Variants in ADGRL3 observed in about 807,000 individuals in gnomAD.
The protein encoded by ADGRL3 is adhesion G protein-coupled receptor L3, also known as calcium-independent alpha-latrotoxin receptor 3.
ADGRL3 carries 62 observed loss-of-function variants against 153.5 expected under a neutral mutation model. The ratio of observed to expected loss-of-function variants is 0.40; its 90% CI spans 0.33 to 0.50. The LOEUF is 0.50. ADGRL3 is among the 20% of genes least tolerant of loss of function. The pLI, the probability that ADGRL3 is intolerant of heterozygous loss-of-function variation, is 0.47. For missense variants in ADGRL3, 1,641 were observed against 1,859.4 expected (o/e 0.88, Z 2.16); for synonymous variants, 710 against 672.5 (o/e 1.06, Z -0.86).
intron 21 of ADGRL3, among the ~76,000 whole-genome samples, chr4:62,015,825 C>A (rs1414671315): frequency 6.6e-6 from 1 of 151,632 alleles, no homozygotes; most frequent in Non-Finnish European, 1.5e-5. Context: ...ATTTTGAATG[C>A]TTTTGCTATT....
chr4:61,670,999 C>T (rs1403251419), intron 5 of ADGRL3, among the ~76,000 whole-genome samples: 2 of 152,142 alleles, frequency 1.3e-5, no homozygotes, highest in Non-Finnish European at 2.9e-5. Flanking sequence ...AACCACATTC[C>T]CTCCTGCTAG....
rs2097884077 is a variant in ADGRL3, at chr4:61,832,565, T to C, written c.1480+18676T>C. ...TGAGACGTTTGAATTTTTAAAGCAC[T>C]GAGCATGCCAAAGCACCATATTGTG... On this transcript the variant is annotated intron_variant, in intron 9 of 26. Coordinates refer to ENST00000683033, the MANE Select transcript of ADGRL3 (RefSeq NM_001387552.1). Among the ~76,000 whole-genome samples the C allele has an allele frequency of 2.6e-5, 4 of 152,318 alleles. No individual in the cohort carries two copies. The South Asian group carries it at 8.3e-4, about 32-fold the overall frequency.
Position 61,733,179 on chromosome 4 carries a change from G to A in ADGRL3, c.1024G>A (p.Val342Ile). The change falls in exon 8 of 27, where the codon GTA (valine) becomes ATA (isoleucine). Residue 342 changes from valine to isoleucine, a missense_variant. By Grantham distance (29) the Val-to-Ile change is conservative. Transcript: ENST00000683033. ...GGCAGTAGATGAGAATGGGCTATGG[G>A]TAATCTATGCAACAGAACAAAACAA... ...DLAVDENGLWVIYATEQNNGK... is the reference protein window; with the variant it reads ...DLAVDENGLWIIYATEQNNGK... 6.2e-7 allele frequency: 1 copy of A among 1,613,274 alleles called. No individual in the cohort carries two copies. The highest frequency in any genetic ancestry group is 8.5e-7 in the Non-Finnish European group (1 of 1,179,622).
chr4:61,208,471 C>T (rs907673158), intron 1 of ADGRL3, among the ~76,000 whole-genome samples: 7 of 152,010 alleles, frequency 4.6e-5, no homozygotes, highest in Admixed American at 3.3e-4. Flanking sequence ...ATTATTGGGT[C>T]TCATGAGAGT....
intron 3 of ADGRL3, among the ~76,000 whole-genome samples, chr4:61,506,019 T>G (rs2098425973): frequency 6.6e-6 from 1 of 152,108 alleles, no homozygotes; most frequent in Non-Finnish European, 1.5e-5. Flanking sequence ...TCATCTAATC[T>G]AAACTGCTTT....
At chr4:61,808,248 A>G (rs1580927936) in intron 8 of ADGRL3, among the ~76,000 whole-genome samples, 1 of 152,264 alleles carries the variant, frequency 6.6e-6, no homozygotes, top group East Asian at 1.9e-4. Context: ...TCTTGTTCAT[A>G]TGGTATCCTT....
chr4:61,214,817 A>G (rs1389652067), intron 1 of ADGRL3, among the ~76,000 whole-genome samples: 2 of 152,164 alleles, frequency 1.3e-5, no homozygotes, highest in African/African-American at 2.4e-5. Flanking sequence ...GCATGCCCAT[A>G]GTTCCAGCTC....
intron 6 of ADGRL3, among the ~76,000 whole-genome samples, chr4:61,706,026 G>A (rs988007434): frequency 3.3e-5 from 5 of 152,118 alleles, no homozygotes; most frequent in East Asian, 1.9e-4. Context: ...ATTCAAATCT[G>A]CATTGGCTTG....
chr4:61,220,022 C>A (rs887080734), intron 1 of ADGRL3, among the ~76,000 whole-genome samples: 2 of 150,922 alleles, frequency 1.3e-5, no homozygotes, highest in African/African-American at 4.9e-5. Flanking sequence ...GCAGGAGAAT[C>A]GCTTGAACCT....
chr4:61,844,575 A>AAAAAAATAT (rs1554045137), intron 9 of ADGRL3, among the ~76,000 whole-genome samples: 2 of 18,108 alleles, frequency 1.1e-4, no homozygotes, highest in Admixed American at 1.4e-3. Flanking sequence ...AAAAAAAAAA[A>AAAAAAATAT]ATATATATAT....
chr4:61,293,909 G>T (rs1228311926), intron 1 of ADGRL3, among the ~76,000 whole-genome samples: 5 of 152,096 alleles, frequency 3.3e-5, no homozygotes, highest in African/African-American at 1.2e-4. Context: ...AAGGTCTCTT[G>T]TGGGTTTTAG....
In ADGRL3 at chr4:61,914,333, G is replaced by A. The variant is rs552427344; in HGVS notation, c.2112+1576G>A. Among the ~76,000 whole-genome samples, 6 of 152,242 alleles carry A rather than the reference G, an allele frequency of 3.9e-5. No individual in the cohort carries two copies. In the South Asian group the frequency reaches 1.2e-3, roughly 32 times the overall value. ...TTTCCTGATCTATAGCTAGGTTCAT[G>A]ACTCAGGCCCCTATAACAAAAGACA... On this transcript the variant is annotated intron_variant, in intron 13 of 26. Coordinates refer to ENST00000683033, the MANE Select transcript of ADGRL3 (RefSeq NM_001387552.1).
intron 5 of ADGRL3, among the ~76,000 whole-genome samples, chr4:61,597,201 A>G (rs552144157): frequency 3.0e-4 from 46 of 152,214 alleles, no homozygotes; most frequent in Non-Finnish European, 5.0e-4. Flanking sequence ...TCGTTCGTGT[A>G]TTGAGAAAGT....
intron 1 of ADGRL3, among the ~76,000 whole-genome samples, chr4:61,363,806 C>T (rs922740356): frequency 6.6e-6 from 1 of 151,598 alleles, no homozygotes; most frequent in African/African-American, 2.4e-5. Context: ...CTCATAGTCC[C>T]GATTTTACAG....
chr4:61,586,459 A>G (rs924995922), intron 4 of ADGRL3, among the ~76,000 whole-genome samples: 1 of 152,086 alleles, frequency 6.6e-6, no homozygotes, highest in Non-Finnish European at 1.5e-5. Context: ...ATCATATATC[A>G]TTACATTTAT....
At chr4:61,497,764 C>A (rs796543827) in intron 3 of ADGRL3, among the ~76,000 whole-genome samples, 38 of 151,244 alleles carry the variant, frequency 2.5e-4, no homozygotes, top group African/African-American at 9.0e-4. Flanking sequence ...GACCTCGTGA[C>A]CCGCCCTCCT....
rs1019679549 is a variant in ADGRL3, at chr4:62,076,612, G to A, written c.*5704G>A. 15 of 151,962 alleles carry A rather than the reference G, an allele frequency of 9.9e-5. No homozygotes were observed. The highest frequency in any genetic ancestry group is 5.8e-4 in the East Asian group (3 of 5,196). The allele number at this position is 151,962 out of a possible 1,614,324, so 9.4% of individuals were successfully genotyped here. ...ACACCAAATGTTACAGATGTATTCC[G>A]AAAAGTAAAATGGGAGTTTCCTATA... On this transcript the variant is annotated 3_prime_UTR_variant, in exon 27 of 27. Transcript: ENST00000683033.
At chr4:61,629,524 C>A (rs1434401418) in intron 5 of ADGRL3, among the ~76,000 whole-genome samples, 2 of 151,318 alleles carry the variant, frequency 1.3e-5, no homozygotes, top group Non-Finnish European at 2.9e-5. Context: ...TAAGACCAGC[C>A]TGGCCAACAT....
intron 4 of ADGRL3, among the ~76,000 whole-genome samples, chr4:61,536,413 T>C (rs925676259): frequency 3.9e-5 from 6 of 152,114 alleles, no homozygotes; most frequent in Admixed American, 3.9e-4. Context: ...CTCAAGAGTC[T>C]AGTTTAAGTC....
Sources: gnomAD v4.1 joint callset for allele counts (sites outside exome capture counted in the v4.1 genomes callset) on GRCh38, gnomAD v4.1.1 for gene constraint, MANE v1.5 for transcripts, NCBI Gene and HGNC (gene_info 2026-07-23, HGNC 2026-07-21) for gene names.